Variants in CSMD3 observed in about 807,000 individuals in gnomAD.
The protein encoded by CSMD3 is CUB and Sushi multiple domains 3.
In CSMD3, 177 loss-of-function variants were observed where a neutral mutation model predicts 435.2. The ratio of observed to expected loss-of-function variants is 0.41; its 90% CI spans 0.36 to 0.46. CSMD3 has a LOEUF of 0.46. Among genes scored for constraint, CSMD3 ranks in the 20% least tolerant of loss-of-function variants. The pLI is 0.34. For missense variants in CSMD3, 4,265 were observed against 4,504.6 expected, an observed-to-expected ratio of 0.95 and a Z score of 1.52; for synonymous variants, 1,656 against 1,520.5, an observed-to-expected ratio of 1.09 and a Z score of -2.07.
chr8:113,163,585 GA>G (rs1455524804), intron 4 of CSMD3, among the ~76,000 whole-genome samples: 2 of 151,770 alleles, frequency 1.3e-5, no homozygotes, highest in Non-Finnish European at 2.9e-5. Flanking sequence ...TTAAACTGTA[GA>G]AAAAATTAAG....
intron 63 of CSMD3, among the ~76,000 whole-genome samples, chr8:112,253,575 C>A (rs1815482039): frequency 6.6e-6 from 1 of 151,932 alleles, no homozygotes; most frequent in African/African-American, 2.4e-5. Context: ...TGTAAATTGG[C>A]TACTTCTGTT....
chr8:112,509,513 C>T (rs1023521116), intron 28 of CSMD3, among the ~76,000 whole-genome samples: 10 of 152,190 alleles, frequency 6.6e-5, no homozygotes, highest in African/African-American at 1.4e-4. Flanking sequence ...GTGACTTCTG[C>T]ATTTATAATA....
At chr8:112,230,103 G>A (rs144228343) in intron 69 of CSMD3, among the ~76,000 whole-genome samples, 38 of 152,222 alleles carry the variant, frequency 2.5e-4, no homozygotes, top group African/African-American at 8.7e-4. Context: ...CAAGCTTGTC[G>A]ACACATTTGC....
intron 2 of CSMD3, among the ~76,000 whole-genome samples, chr8:113,305,885 A>G (rs1008895321): frequency 6.6e-6 from 1 of 152,220 alleles, no homozygotes; most frequent in African/African-American, 2.4e-5. Context: ...ATGGCAATGC[A>G]GTAAGTCTTT....
intron 1 of CSMD3, among the ~76,000 whole-genome samples, chr8:113,410,579 A>C (rs1356858616): frequency 1.3e-5 from 2 of 151,902 alleles, no homozygotes; most frequent in Non-Finnish European, 2.9e-5. Flanking sequence ...TCTACTTGCC[A>C]CTTTTAGAAA....
intron 1 of CSMD3, among the ~76,000 whole-genome samples, chr8:113,342,366 T>C (rs969005582): frequency 6.6e-6 from 1 of 152,132 alleles, no homozygotes; most frequent in Admixed American, 6.5e-5. Context: ...ACGTTATAGC[T>C]GAAAATCCTG....
chr8:113,329,790 T>C (rs779302761), intron 1 of CSMD3, among the ~76,000 whole-genome samples: 7 of 152,034 alleles, frequency 4.6e-5, no homozygotes, highest in East Asian at 1.9e-4. Flanking sequence ...GTTGTAGAAT[T>C]ACATGTTTAA....
intron 5 of CSMD3, among the ~76,000 whole-genome samples, chr8:113,065,231 A>G (rs1780266469): frequency 1.3e-5 from 2 of 152,186 alleles, no homozygotes; most frequent in Non-Finnish European, 2.9e-5. Flanking sequence ...GGTTGTGACA[A>G]AAAAATACAA....
intron 5 of CSMD3, among the ~76,000 whole-genome samples, chr8:113,054,553 C>A (rs1236798252): frequency 1.3e-5 from 2 of 152,146 alleles, no homozygotes; most frequent in Non-Finnish European, 2.9e-5. Context: ...CTTATCAAGA[C>A]AAATTTCCTA....
intron 45 of CSMD3, among the ~76,000 whole-genome samples, chr8:112,322,033 A>G (rs1313911923): frequency 6.6e-6 from 1 of 152,126 alleles, no homozygotes. Context: ...AAACAGAGAA[A>G]TCTTTCTGAG....
chr8:112,713,085 A>G (rs2076645541), intron 13 of CSMD3, among the ~76,000 whole-genome samples: 1 of 152,076 alleles, frequency 6.6e-6, no homozygotes, highest in African/African-American at 2.4e-5. Context: ...GGTGGCTGGC[A>G]TGACCAACAG....
intron 32 of CSMD3, among the ~76,000 whole-genome samples, chr8:112,434,047 C>G (rs1312483337): frequency 6.6e-6 from 1 of 152,040 alleles, no homozygotes; most frequent in East Asian, 1.9e-4. Context: ...CTCCAGAACA[C>G]ATTCATTTGC....
At chr8:112,982,287 T>C (rs974728460) in intron 6 of CSMD3, among the ~76,000 whole-genome samples, 1 of 151,892 alleles carries the variant, frequency 6.6e-6, no homozygotes, top group Non-Finnish European at 1.5e-5. Flanking sequence ...CTAAGTATAA[T>C]AGTCTTATAA....
At chr8:112,886,501 G>A (rs1458995369) in intron 10 of CSMD3, among the ~76,000 whole-genome samples, 2 of 151,374 alleles carry the variant, frequency 1.3e-5, no homozygotes, top group Non-Finnish European at 3.0e-5. Context: ...ATGTGCTGAA[G>A]TGTTCAATGC....
At chr8:112,486,584 C>A (rs545652216) in intron 31 of CSMD3, among the ~76,000 whole-genome samples, 1 of 152,234 alleles carries the variant, frequency 6.6e-6, no homozygotes, top group African/African-American at 2.4e-5. Context: ...CCAGCATTTC[C>A]TATTTGCTCT....
intron 3 of CSMD3, among the ~76,000 whole-genome samples, chr8:113,234,483 T>C (rs907661199): frequency 2.0e-5 from 3 of 152,110 alleles, no homozygotes; most frequent in Non-Finnish European, 4.4e-5. Flanking sequence ...TATAAGTTTC[T>C]GCATTGACAT....
At chr8:112,339,149 T>G (rs1824852881) in intron 42 of CSMD3, among the ~76,000 whole-genome samples, 1 of 152,042 alleles carries the variant, frequency 6.6e-6, no homozygotes, top group South Asian at 2.1e-4. Context: ...GATGAGAAAT[T>G]GGCTGTCTGC....
chr8:112,282,426 T>C lies in CSMD3; in HGVS notation c.9332-1076A>G, dbSNP rs145063194. Among the ~76,000 whole-genome samples the C allele has an allele frequency of 6.4e-3, 975 of 152,210 alleles. 6 individuals are homozygous for C. Among genetic ancestry groups the C allele is most frequent in the South Asian group, 0.011 (54 of 4,828 alleles). ...TAAATGCATTAGTGCCTGCCTGAAA[T>C]AAAATTTTGGCCATGTTTACTTGTT... On this transcript the variant is annotated intron_variant, in intron 58 of 70. Transcript: ENST00000297405.
chr8:112,511,145 T>TAA (rs1486923502), intron 28 of CSMD3, among the ~76,000 whole-genome samples: 3 of 152,156 alleles, frequency 2.0e-5, no homozygotes, highest in African/African-American at 7.2e-5. Context: ...CAAGTCCATA[T>TAA]AAAAGTTATG....
Sources: gnomAD v4.1 joint callset for allele counts (sites outside exome capture counted in the v4.1 genomes callset) on GRCh38, gnomAD v4.1.1 for gene constraint, MANE v1.5 for transcripts, NCBI Gene and HGNC (gene_info 2026-07-23, HGNC 2026-07-21) for gene names.